Variants in CACNA1E observed in about 807,000 individuals in gnomAD.
The protein encoded by CACNA1E is calcium voltage-gated channel subunit alpha1 E.
Under a neutral mutation model 259.2 loss-of-function variants are expected in CACNA1E, and 40 were observed. That is an observed-to-expected ratio of 0.15 (90% CI 0.12 to 0.20). CACNA1E has a LOEUF of 0.20. CACNA1E is among the 10% of genes least tolerant of loss of function. The pLI is 1.00. For missense variants in CACNA1E, 1,874 were observed against 3,040.1 expected, an observed-to-expected ratio of 0.62 and a Z score of 9.02; for synonymous variants, 1,104 against 1,138.5, an observed-to-expected ratio of 0.97 and a Z score of 0.61.
At chr1:181,446,762 A>G (rs1170268621) in intron 2 of CACNA1E, among the ~76,000 whole-genome samples, 1 of 152,184 alleles carries the variant, frequency 6.6e-6, no homozygotes, top group Non-Finnish European at 1.5e-5. Flanking sequence ...GGGAGACATC[A>G]TGAAATGTGC....
At chr1:181,356,568 A>G (rs1470746489) in intron 1 of CACNA1E, among the ~76,000 whole-genome samples, 2 of 152,228 alleles carry the variant, frequency 1.3e-5, no homozygotes, top group African/African-American at 4.8e-5. Context: ...CAGAAGACAT[A>G]CATGCTCTTG....
chr1:181,560,142 G>A (rs1649167605), intron 3 of CACNA1E, among the ~76,000 whole-genome samples: 1 of 151,662 alleles, frequency 6.6e-6, no homozygotes, highest in Non-Finnish European at 1.5e-5. Flanking sequence ...ACCTAGACAG[G>A]GTCACAAAGA....
chr1:181,740,212 CTGT>C (rs1257895242), intron 25 of CACNA1E, among the ~76,000 whole-genome samples: 2 of 152,198 alleles, frequency 1.3e-5, no homozygotes, highest in Admixed American at 6.5e-5. Context: ...GCTAGCTACA[CTGT>C]GTAGTGAGGC....
intron 2 of CACNA1E, among the ~76,000 whole-genome samples, chr1:181,414,034 G>A (rs1334897597): frequency 6.6e-6 from 1 of 152,214 alleles, no homozygotes; most frequent in Non-Finnish European, 1.5e-5. Context: ...ATCTCCAGTG[G>A]ATGGAGGAAA....
At chr1:181,778,991 G>C (rs1477392615) in intron 38 of CACNA1E, among the ~76,000 whole-genome samples, 1 of 152,230 alleles carries the variant, frequency 6.6e-6, no homozygotes, top group African/African-American at 2.4e-5. Context: ...CCCCTGAAAA[G>C]TGGGTCTGAG....
chr1:181,342,436 C>G (rs1430066666), intron 1 of CACNA1E, among the ~76,000 whole-genome samples: 2 of 151,936 alleles, frequency 1.3e-5, no homozygotes, highest in Non-Finnish European at 2.9e-5. Flanking sequence ...AAAAAAATAA[C>G]CCTGGGAATT....
At chr1:181,579,390 C>G (rs1651295115) in intron 5 of CACNA1E, among the ~76,000 whole-genome samples, 166 bp downstream of exon 5, 1 of 152,188 alleles carries the variant, frequency 6.6e-6, no homozygotes, top group African/African-American at 2.4e-5. Flanking sequence ...TCAACCAAGA[C>G]TAGATATCCT....
chr1:181,330,479 T>C (rs1571579616), intron 1 of CACNA1E, among the ~76,000 whole-genome samples: 1 of 152,036 alleles, frequency 6.6e-6, no homozygotes, highest in Admixed American at 6.6e-5. Context: ...CTGGGGAAGG[T>C]GCCTGGGGAA....
intron 1 of CACNA1E, among the ~76,000 whole-genome samples, chr1:181,369,840 G>C (rs760708419): frequency 6.6e-6 from 1 of 152,158 alleles, no homozygotes; most frequent in East Asian, 1.9e-4. Flanking sequence ...ACATGTTCAG[G>C]TTTGTCATAT....
intron 17 of CACNA1E, 136 bp from the exon 18 acceptor site, chr1:181,725,929 C>T (rs749530641): frequency 1.5e-4 from 87 of 593,766 alleles, no homozygotes; most frequent in Non-Finnish European, 2.0e-4. Flanking sequence ...CCTAACATCT[C>T]GCTGTCTTGT....
chr1:181,565,598 A>G (rs959171783), intron 3 of CACNA1E, among the ~76,000 whole-genome samples: 3 of 152,212 alleles, frequency 2.0e-5, no homozygotes, highest in African/African-American at 7.2e-5. Flanking sequence ...CAGTAGTGCC[A>G]TGTAAGAGCA....
chr1:181,651,653 T>C (rs747478312), intron 7 of CACNA1E: 5 of 490,742 alleles, frequency 1.0e-5, no homozygotes, highest in Non-Finnish European at 1.8e-5. Context: ...TTAAAAAGTC[T>C]TGATGTCAGG....
At chr1:181,740,311 TCCCTCCAAGGGTTTG>T (rs1656445899) in intron 25 of CACNA1E, among the ~76,000 whole-genome samples, 1 of 152,198 alleles carries the variant, frequency 6.6e-6, no homozygotes, top group South Asian at 2.1e-4. Context: ...TGAGTGGTTT[TCCCTCCAAGGGTTTG>T]CCCTTCCAAG....
intron 6 of CACNA1E, among the ~76,000 whole-genome samples, chr1:181,585,338 C>T (rs1024128703): frequency 6.6e-6 from 1 of 152,142 alleles, no homozygotes; most frequent in Admixed American, 6.5e-5. Context: ...AAAGGCTTTT[C>T]CCCTCTGTTT....
chr1:181,733,345 C>T, intron 20 of CACNA1E, 92 bp from the exon 21 acceptor site: 4 of 1,168,192 alleles, frequency 3.4e-6, no homozygotes, highest in Non-Finnish European at 4.8e-6. Flanking sequence ...TTCCAGGCTG[C>T]CTGAGCTTCC....
At chr1:181,767,528 G>T (rs948074426) in intron 35 of CACNA1E, among the ~76,000 whole-genome samples, 2 of 152,246 alleles carry the variant, frequency 1.3e-5, no homozygotes, top group Non-Finnish European at 2.9e-5. Flanking sequence ...CTTCCCAACT[G>T]TGTTGCCACC....
chr1:181,571,319 G>A lies in CACNA1E; in HGVS notation c.513-6447G>A, dbSNP rs532909463. On this transcript the variant is annotated intron_variant, in intron 3 of 47. Coordinates refer to ENST00000367573, the MANE Select transcript of CACNA1E (RefSeq NM_001205293.3). The stretch of plus-strand genomic sequence containing the variant: ...CAGAATCCTAGTTCAACTAGCTTTT[G>A]GTCTTAGACCTTTTCCAAGGAGGAA... Among the ~76,000 whole-genome samples the A allele has an allele frequency of 2.4e-4, 36 of 152,200 alleles. No homozygotes were observed. In the South Asian group the frequency reaches 7.5e-3, roughly 32 times the overall value.
chr1:181,692,065 A>G (rs1178924521), intron 7 of CACNA1E, among the ~76,000 whole-genome samples: 2 of 152,122 alleles, frequency 1.3e-5, no homozygotes, highest in Admixed American at 6.6e-5. Flanking sequence ...CCCCTTTACA[A>G]TGGCCACAAA....
intron 6 of CACNA1E, among the ~76,000 whole-genome samples, chr1:181,600,402 AT>A (rs1653623363): frequency 6.6e-6 from 1 of 152,228 alleles, no homozygotes; most frequent in Admixed American, 6.5e-5. Flanking sequence ...ATGCTGAAAG[AT>A]CACTCTACCT....
Sources: allele counts gnomAD v4.1 joint callset (sites outside exome capture counted in the v4.1 genomes callset), GRCh38; gene constraint gnomAD v4.1.1; transcripts MANE v1.5; gene names NCBI Gene and HGNC (gene_info 2026-07-23, HGNC 2026-07-21).